Variants in PTPRZ1 observed in about 807,000 individuals in gnomAD.
The protein encoded by PTPRZ1 is protein tyrosine phosphatase receptor type Z1, also known as receptor-type tyrosine-protein phosphatase zeta.
PTPRZ1 carries 82 observed loss-of-function variants against 214.1 expected under a neutral mutation model. The observed-to-expected ratio is 0.38, with a 90% CI of 0.32 to 0.46. The LOEUF (loss-of-function observed/expected upper bound fraction) is 0.46. PTPRZ1 is among the 20% of genes least tolerant of loss of function. PTPRZ1 has a pLI of 1.00. For missense variants in PTPRZ1, 2,603 were observed against 2,748.7 expected, an observed-to-expected ratio of 0.95 and a Z score of 1.19; for synonymous variants, 945 against 987.9, an observed-to-expected ratio of 0.96 and a Z score of 0.81.
chr7:122,007,459 A>G (rs1798526438), intron 11 of PTPRZ1, among the ~76,000 whole-genome samples: 1 of 152,146 alleles, frequency 6.6e-6, no homozygotes, highest in Non-Finnish European at 1.5e-5. Flanking sequence ...TGTATTAATA[A>G]TATATTGTCA....
intron 1 of PTPRZ1, among the ~76,000 whole-genome samples, chr7:121,918,608 CTATCTT>C (rs1316959138): frequency 6.6e-6 from 1 of 152,054 alleles, no homozygotes; most frequent in African/African-American, 2.4e-5. Flanking sequence ...TATTTACAAT[CTATCTT>C]TAATTTATCT....
intron 2 of PTPRZ1, among the ~76,000 whole-genome samples, chr7:121,949,922 C>A (rs1311004978): frequency 6.6e-6 from 1 of 151,916 alleles, no homozygotes; most frequent in Non-Finnish European, 1.5e-5. Context: ...AGTAGAAAAA[C>A]CTGTTATTGA....
At chr7:121,991,487 A>G (rs920462726) in intron 8 of PTPRZ1, among the ~76,000 whole-genome samples, 2 of 152,222 alleles carry the variant, frequency 1.3e-5, no homozygotes, top group African/African-American at 4.8e-5. Flanking sequence ...TTGTAGCATA[A>G]TATTTTGACC....
intron 23 of PTPRZ1, among the ~76,000 whole-genome samples, chr7:122,047,981 T>C (rs951126907): frequency 9.9e-5 from 15 of 152,204 alleles, no homozygotes; most frequent in African/African-American, 3.4e-4. Context: ...AAAATAAAAC[T>C]GTTAATAGAT....
Position 122,019,168 on chromosome 7 carries a change from G to A in PTPRZ1, c.4888G>A (p.Gly1630Arg), listed in dbSNP as rs756696495. The change falls in exon 13 of 30, where the codon GGG becomes AGG. Residue 1630 changes from glycine to arginine, a missense_variant. Around this residue, in one of 6 missense-constraint regions of PTPRZ1, gnomAD observed 1,913 missense variants for 1,914.3 expected, o/e 1.00. Coordinates refer to ENST00000393386, the MANE Select transcript of PTPRZ1 (RefSeq NM_002851.3). Reference sequence around the variant, plus strand: ...TGAGTCTCGTATTGGTCTAGCTGAGGGGTTGGAATCCGAGAAGAAGGCAGT... The same window carrying A: ...TGAGTCTCGTATTGGTCTAGCTGAGAGGTTGGAATCCGAGAAGAAGGCAGT... The part of the protein sequence containing the change: ...SHESRIGLAE[G>R]LESEKKAVIP... 1 of 1,612,042 alleles carries A rather than the reference G, an allele frequency of 6.2e-7. No individual in the cohort carries two copies. Among genetic ancestry groups the A allele is most frequent in the African/African-American group, 1.3e-5 (1 of 74,832 alleles).
chr7:122,024,794 C>G (rs1799160103), intron 13 of PTPRZ1, among the ~76,000 whole-genome samples: 1 of 152,132 alleles, frequency 6.6e-6, no homozygotes, highest in Non-Finnish European at 1.5e-5. Flanking sequence ...TATTCAACCT[C>G]AATGCCAACA....
intron 23 of PTPRZ1, among the ~76,000 whole-genome samples, chr7:122,047,032 G>A (rs981248028): frequency 2.6e-5 from 4 of 152,160 alleles, no homozygotes; most frequent in East Asian, 1.9e-4. Flanking sequence ...GAGAAAATTC[G>A]GGACAGCGGA....
chr7:121,983,275 C>T (rs1797668517), intron 6 of PTPRZ1, among the ~76,000 whole-genome samples: 1 of 152,136 alleles, frequency 6.6e-6, no homozygotes. Flanking sequence ...ATAAGTCATT[C>T]TTAAATATGA....
At chr7:121,984,944 A>AC (rs1325995939) in intron 8 of PTPRZ1, among the ~76,000 whole-genome samples, 4 of 152,196 alleles carry the variant, frequency 2.6e-5, no homozygotes. Flanking sequence ...AGGACTTCTA[A>AC]CCTTTCCAAG....
chr7:121,964,526 T>G (rs2116499362), intron 2 of PTPRZ1, among the ~76,000 whole-genome samples: 1 of 152,170 alleles, frequency 6.6e-6, no homozygotes, highest in South Asian at 2.1e-4. Flanking sequence ...CATGTGGGGA[T>G]TATGGGGACT....
At chr7:121,887,806 G>T (rs1554424534) in intron 1 of PTPRZ1, among the ~76,000 whole-genome samples, 1 of 152,030 alleles carries the variant, frequency 6.6e-6, no homozygotes, top group Non-Finnish European at 1.5e-5. Flanking sequence ...TGTGTTTCCT[G>T]TCAAGCCGGG....
At chr7:122,060,044 A>T in intron 29 of PTPRZ1, among the ~76,000 whole-genome samples, 156 bp downstream of exon 29, 1 of 152,162 alleles carries the variant, frequency 6.6e-6, no homozygotes, top group Non-Finnish European at 1.5e-5. Context: ...TCCATAGAAC[A>T]ACAACATTTA....
intron 6 of PTPRZ1, among the ~76,000 whole-genome samples, chr7:121,981,361 C>T (rs960748823): frequency 6.6e-6 from 1 of 151,994 alleles, no homozygotes; most frequent in Non-Finnish European, 1.5e-5. Context: ...GGATTATTCA[C>T]ATAAGGATTA....
At chr7:121,920,192 C>T (rs1387349993) in intron 1 of PTPRZ1, among the ~76,000 whole-genome samples, 2 of 152,112 alleles carry the variant, frequency 1.3e-5, no homozygotes, top group Non-Finnish European at 2.9e-5. Context: ...TCCAGAACTT[C>T]CTGAGTGACC....
intron 6 of PTPRZ1, 32 bp from the exon 7 acceptor site, chr7:121,983,633 T>G (rs1225755701): frequency 1.3e-6 from 2 of 1,572,890 alleles, no homozygotes; most frequent in African/African-American, 2.7e-5. Flanking sequence ...AGTGTTGAGA[T>G]TCCAGCTGAG....
intron 1 of PTPRZ1, among the ~76,000 whole-genome samples, chr7:121,886,172 G>T (rs921893902): frequency 2.5e-4 from 38 of 152,114 alleles, no homozygotes; most frequent in African/African-American, 9.2e-4. Flanking sequence ...ACTTTTTTGT[G>T]TGGAAGTAAT....
At chr7:121,972,409 T>C (rs1211995725) in intron 3 of PTPRZ1, 132 bp from the exon 4 acceptor site, 3 of 930,172 alleles carry the variant, frequency 3.2e-6, no homozygotes, top group African/African-American at 3.4e-5. Flanking sequence ...GCTTCCAAAA[T>C]GGCGACTTCA....
chr7:121,966,388 C>T (rs1398863076), intron 2 of PTPRZ1, among the ~76,000 whole-genome samples: 3 of 152,070 alleles, frequency 2.0e-5, no homozygotes, highest in Non-Finnish European at 4.4e-5. Flanking sequence ...TGAAGAGGAC[C>T]TAACTGATTT....
At position 121,996,473 on chromosome 7, in the gene PTPRZ1, T is replaced by C. The variant is rs1249487631; in HGVS notation, c.1020T>C (p.Asp340=). The C allele has an allele frequency of 7.4e-6, 12 of 1,613,300 alleles. No homozygotes were observed. The Admixed American group carries it at 2.0e-4, about 27-fold the overall frequency. The part of the protein sequence containing the change: ...VTWERPRVVY[D]TMIEKFAVLY... ...GGGAAAGACCTCGAGTCGTTTATGA[T>C]ACCATGATTGAGAAGTTTGCAGTTT... The change falls in exon 9 of 30, where the codon GAT becomes GAC. Residue 340 remains aspartate (D), a synonymous_variant. Transcript: ENST00000393386.
Sources: allele counts gnomAD v4.1 joint callset (sites outside exome capture counted in the v4.1 genomes callset), GRCh38; gene constraint gnomAD v4.1.1; regional missense constraint gnomAD v4.1.1; transcripts MANE v1.5; gene names NCBI Gene and HGNC (gene_info 2026-07-23, HGNC 2026-07-21).